ASH1L: variants seen among roughly 807,000 people sequenced by gnomAD.
ASH1L encodes the protein ASH1 like histone lysine methyltransferase.
Under a neutral mutation model 269.0 loss-of-function variants are expected in ASH1L, and 23 were observed. That is an observed-to-expected ratio of 0.09 (90% CI 0.06 to 0.12). ASH1L has a LOEUF of 0.12. ASH1L is among the 10% of genes least tolerant of loss of function. The pLI is 1.00. For synonymous variants in ASH1L, 1,187 were observed against 1,253.5 expected (o/e 0.95, Z 1.12); for missense variants, 2,912 against 3,567.8 (o/e 0.82, Z 4.68).
rs745733277 is a variant in ASH1L, at chr1:155,508,754, A to C, written c.420+12346T>G. On this transcript the variant is annotated intron_variant, in intron 2 of 27. Coordinates refer to ENST00000392403, the MANE Select transcript of ASH1L (RefSeq NM_018489.3). ...AAGAGTCTTCTATTACAACAAAATA[A>C]CTCAAACCAGCATAAAATACGTTTC... is the stretch of plus-strand genomic sequence containing the variant. Among the ~76,000 whole-genome samples the C allele has an allele frequency of 1.4e-4, 22 of 152,320 alleles. 1 individual carries two copies. The highest frequency in any genetic ancestry group is 6.5e-4 in the Admixed American group (10 of 15,288).
chr1:155,416,501 A>G (rs1660221320), intron 5 of ASH1L, among the ~76,000 whole-genome samples: 1 of 152,056 alleles, frequency 6.6e-6, no homozygotes, highest in African/African-American at 2.4e-5. Flanking sequence ...TCTGAAAAAA[A>G]TGCGGTGAGT....
At chr1:155,394,493 C>A (rs570317092) in intron 7 of ASH1L, among the ~76,000 whole-genome samples, 2 of 152,076 alleles carry the variant, frequency 1.3e-5, no homozygotes, top group South Asian at 2.1e-4. Context: ...ATTGCAGCAG[C>A]CTGAAGAAAA....
intron 22 of ASH1L, 125 bp downstream of exon 22, chr1:155,344,058 A>G: frequency 1.2e-6 from 1 of 814,770 alleles, no homozygotes; most frequent in East Asian, 2.6e-5. Flanking sequence ...CTACAGATAT[A>G]AAAACTTATA....
At chr1:155,389,016 T>TGTATA in intron 7 of ASH1L, among the ~76,000 whole-genome samples, 2 of 151,162 alleles carry the variant, frequency 1.3e-5, no homozygotes, top group South Asian at 2.1e-4. Context: ...GACTAATTCT[T>TGTATA]TTTTTTTGAG....
At chr1:155,351,434 T>G (rs1653918635) in intron 17 of ASH1L, among the ~76,000 whole-genome samples, 1 of 151,254 alleles carries the variant, frequency 6.6e-6, no homozygotes, top group East Asian at 1.9e-4. Flanking sequence ...ACACCTGGAG[T>G]CCCAGCTACT....
chr1:155,400,286 C>G (rs1658717823), intron 6 of ASH1L, among the ~76,000 whole-genome samples: 1 of 150,738 alleles, frequency 6.6e-6, no homozygotes, highest in Non-Finnish European at 1.5e-5. Context: ...GAGCCGAGAT[C>G]GCATCACTGC....
chr1:155,524,259 A>G (rs752259348), intron 1 of ASH1L, among the ~76,000 whole-genome samples: 8 of 152,194 alleles, frequency 5.3e-5, no homozygotes, highest in Non-Finnish European at 8.8e-5. Context: ...ATGGTGGCTC[A>G]TGCCTATAAT....
chr1:155,401,555 G>A (rs867051073), intron 6 of ASH1L, among the ~76,000 whole-genome samples: 1 of 152,026 alleles, frequency 6.6e-6, no homozygotes, highest in Admixed American at 6.6e-5. Flanking sequence ...GCCAAGGTGG[G>A]TGGATCACCA....
intron 2 of ASH1L, among the ~76,000 whole-genome samples, chr1:155,508,220 G>A (rs903236004): frequency 1.3e-5 from 2 of 152,086 alleles, no homozygotes; most frequent in African/African-American, 4.8e-5. Context: ...CATTCTGACA[G>A]CTTATGAAAT....
At chr1:155,563,094 G>A (rs1322249242), upstream of ASH1L, 1 of 457,680 alleles carries the variant, frequency 2.2e-6, no homozygotes, top group Admixed American at 2.4e-5. Context: ...CCTCGCCGCA[G>A]CGCTGCGGCT....
At chr1:155,447,271 G>A (rs188016066) in intron 4 of ASH1L, among the ~76,000 whole-genome samples, 3 of 152,266 alleles carry the variant, frequency 2.0e-5, no homozygotes, top group Non-Finnish European at 4.4e-5. Context: ...ATGAATGGAT[G>A]TCAAATTTTG....
At chr1:155,529,872 A>T (rs1470054011) in intron 1 of ASH1L, among the ~76,000 whole-genome samples, 2 of 151,958 alleles carry the variant, frequency 1.3e-5, no homozygotes, top group Non-Finnish European at 2.9e-5. Flanking sequence ...TCCAAGAAGG[A>T]GGTACAAAAG....
intron 2 of ASH1L, among the ~76,000 whole-genome samples, chr1:155,507,681 G>A (rs542284049): frequency 1.2e-4 from 19 of 152,262 alleles, no homozygotes; most frequent in African/African-American, 4.3e-4. Context: ...AGAACAGCCT[G>A]GGCAACACAA....
intron 7 of ASH1L, among the ~76,000 whole-genome samples, chr1:155,381,691 A>G (rs1173809394): frequency 1.3e-5 from 2 of 151,830 alleles, no homozygotes; most frequent in African/African-American, 4.8e-5. Flanking sequence ...CCTGGCCAAC[A>G]TGGTGAAACC....
intron 2 of ASH1L, among the ~76,000 whole-genome samples, chr1:155,493,147 T>C (rs1666924506): frequency 6.6e-6 from 1 of 152,140 alleles, no homozygotes; most frequent in Non-Finnish European, 1.5e-5. Flanking sequence ...CACAATTCAG[T>C]GGGTTTTTTT....
chr1:155,460,072 T>C (rs923402744), intron 3 of ASH1L, among the ~76,000 whole-genome samples, 174 bp from the exon 4 acceptor site: 1 of 152,190 alleles, frequency 6.6e-6, no homozygotes, highest in Non-Finnish European at 1.5e-5. Flanking sequence ...AATCACACTA[T>C]ATGTTGTTGT....
intron 7 of ASH1L, among the ~76,000 whole-genome samples, chr1:155,382,979 TC>T (rs2148451959): frequency 6.6e-6 from 1 of 152,324 alleles, no homozygotes; most frequent in East Asian, 1.9e-4. Context: ...TGCCCTGGCC[TC>T]CCAAAGTGTT....
At chr1:155,550,581 G>C (rs978764717) in intron 1 of ASH1L, among the ~76,000 whole-genome samples, 3 of 152,148 alleles carry the variant, frequency 2.0e-5, no homozygotes, top group Non-Finnish European at 4.4e-5. Flanking sequence ...TCATGCCCCA[G>C]ATAGTTGCAC....
At chr1:155,366,656 G>A (rs1365435986) in intron 12 of ASH1L, among the ~76,000 whole-genome samples, 4 of 152,110 alleles carry the variant, frequency 2.6e-5, no homozygotes, top group Non-Finnish European at 5.9e-5. Flanking sequence ...TGAAGCTATT[G>A]TAAATTGTAT....
Sources: allele counts gnomAD v4.1 joint callset (sites outside exome capture counted in the v4.1 genomes callset), GRCh38; gene constraint gnomAD v4.1.1; transcripts MANE v1.5; gene names NCBI Gene and HGNC (gene_info 2026-07-23, HGNC 2026-07-21).